Variants in NOX5 observed in about 807,000 individuals in gnomAD.
NOX5 encodes NADPH oxidase, EF-hand calcium binding domain 5.
Under a neutral mutation model 85.7 loss-of-function variants are expected in NOX5, and 76 were observed. The observed-to-expected ratio is 0.89, with a 90% CI of 0.74 to 1.07. The LOEUF is 1.07. NOX5 is among the 50% of genes least tolerant of loss of function. NOX5 has a pLI of 0.00. For synonymous variants in NOX5, 405 were observed against 401.4 expected (o/e 1.01, Z -0.11); for missense variants, 973 against 999.5 (o/e 0.97, Z 0.36).
chr15:69,043,976 G>T (rs1262479202), intron 10 of NOX5, among the ~76,000 whole-genome samples: 1 of 152,182 alleles, frequency 6.6e-6, no homozygotes, highest in Admixed American at 6.5e-5. Context: ...ATGAGGTCAG[G>T]AGATTGAGAC....
At chr15:69,019,905 A>T (rs1027593976) in intron 1 of NOX5, among the ~76,000 whole-genome samples, 9 of 152,208 alleles carry the variant, frequency 5.9e-5, no homozygotes, top group African/African-American at 2.2e-4. Flanking sequence ...TGGCATTCTG[A>T]TACCACTTCC....
At chr15:69,025,629 C>T (rs536444024) in intron 1 of NOX5, among the ~76,000 whole-genome samples, 167 of 152,228 alleles carry the variant, frequency 1.1e-3, no homozygotes, top group African/African-American at 3.9e-3. Context: ...ATACAAAATC[C>T]ACAAAGAATG....
chr15:69,056,732 A>G lies in NOX5; in HGVS notation c.*36A>G. ...CCAAGCTCTGCCCCAAGTCCACACC[A>G]TGGGTCTGCTTCATTGCATTAGTAT... On this transcript the variant is annotated 3_prime_UTR_variant, in exon 16 of 16. Transcript: ENST00000388866. 1 of 1,610,236 alleles carries G rather than the reference A, an allele frequency of 6.2e-7. No individual in the cohort carries two copies.
chr15:69,042,518 C>A, intron 9 of NOX5, 145 bp from the exon 10 acceptor site: 1 of 780,162 alleles, frequency 1.3e-6, no homozygotes, highest in Non-Finnish European at 2.0e-6. Flanking sequence ...GTGGCTATGG[C>A]TGCTAGTCTG....
chr15:69,033,197 G>A lies in NOX5; in HGVS notation c.775G>A (p.Ala259Thr), dbSNP rs769623983. Reference protein sequence around the residue: ...HVLLFGLAASAHRDLGASVMV... With the variant: ...HVLLFGLAASTHRDLGASVMV... The stretch of plus-strand genomic sequence containing the variant: ...GCTGCTCTTCGGGCTGGCGGCCAGC[G>A]CGCACCGGGACCTCGGCGCCAGCGT... The change falls in exon 5 of 16, where the codon GCG (alanine) becomes ACG (threonine). Residue 259 changes from alanine to threonine, a missense_variant. Ala to Thr is a moderately conservative substitution (Grantham distance 58). Coordinates refer to ENST00000388866, the MANE Select transcript of NOX5 (RefSeq NM_024505.4). 3.1e-6 allele frequency: 5 copies of A among 1,595,012 alleles called. No homozygotes were observed. In the Admixed American group the frequency reaches 5.1e-5, roughly 16 times the overall value.
Position 69,062,103 on chromosome 15 carries a change from C to T in NOX5, c.*5407C>T, listed in dbSNP as rs955664640. The T allele has an allele frequency of 3.9e-4, 60 of 152,088 alleles. No homozygotes were observed. The highest frequency in any genetic ancestry group is 1.4e-3 in the African/African-American group (57 of 41,410). 9.4% of individuals were successfully genotyped at this position (152,088 alleles called of 1,614,324 possible). A position where few individuals can be genotyped will look rare whatever the true frequency, so the allele number is the denominator to read the frequency against. Reference sequence around the variant, plus strand: ...TCAGCTGGTGACCCCATGAGGTACCCTTGGCTCCTCTATCTCCCCCATCTT... The same window carrying T: ...TCAGCTGGTGACCCCATGAGGTACCTTTGGCTCCTCTATCTCCCCCATCTT... On this transcript the variant is annotated 3_prime_UTR_variant, in exon 16 of 16. Coordinates refer to ENST00000388866, the MANE Select transcript of NOX5 (RefSeq NM_024505.4).
At chr15:69,040,034 C>T (rs2050574063) in intron 9 of NOX5, among the ~76,000 whole-genome samples, 1 of 152,222 alleles carries the variant, frequency 6.6e-6, no homozygotes, top group Non-Finnish European at 1.5e-5. Flanking sequence ...TTCTCTGACT[C>T]ATCCTGGTTA....
At chr15:69,056,458 C>A in intron 15 of NOX5, 107 bp from the exon 16 acceptor site, 1 of 1,427,514 alleles carries the variant, frequency 7.0e-7, no homozygotes, top group Non-Finnish European at 9.5e-7. Flanking sequence ...TGGGAATGCT[C>A]ATTGCTGCCG....
intron 1 of NOX5, among the ~76,000 whole-genome samples, chr15:69,019,780 G>A (rs1053332380): frequency 2.0e-5 from 3 of 152,226 alleles, no homozygotes; most frequent in African/African-American, 7.2e-5. Flanking sequence ...CCATTATGCA[G>A]TAACACTTTT....
chr15:69,021,226 A>G (rs1030822711), intron 1 of NOX5, among the ~76,000 whole-genome samples: 3 of 152,142 alleles, frequency 2.0e-5, no homozygotes, highest in Admixed American at 6.5e-5. Flanking sequence ...ATCTCTTTCT[A>G]TGATCTAAGA....
At position 69,025,116 on chromosome 15, in the gene NOX5, G is replaced by A. The variant is rs1464856175; in HGVS notation, c.51-1412G>A. 2.6e-5 allele frequency among the ~76,000 whole-genome samples: 4 copies of A among 152,208 alleles called. No individual in the cohort carries two copies. In the East Asian group the frequency reaches 5.8e-4, roughly 22 times the overall value. ...AGGAAATATAGAGTTAGGCTCATGT[G>A]AGCCTCAGGGCACAATATTTTTGTC... is the stretch of plus-strand genomic sequence containing the variant. On this transcript the variant is annotated intron_variant, in intron 1 of 15. Coordinates refer to ENST00000388866, the MANE Select transcript of NOX5 (RefSeq NM_024505.4).
rs1294373869 is a variant in NOX5, at chr15:69,037,043, C to T, written c.1204C>T (p.His402Tyr). 4 of 1,613,616 alleles carry T rather than the reference C, an allele frequency of 2.5e-6. No homozygotes were observed. The highest frequency in any genetic ancestry group is 1.3e-5 in the African/African-American group (1 of 74,866). Residue 402 changes from histidine (H) to tyrosine (Y), a missense_variant, in exon 8 of 16, where the codon CAC (histidine) becomes TAC (tyrosine). Physicochemically the swap from His to Tyr is moderately conservative, Grantham distance 83. Transcript: ENST00000388866. ...ACCCCCATAGGTGTTCTATTGGACT[C>T]ACCTGTCCTACCTCCTCGTGTGGCT... ...SGHFEVFYWTHLSYLLVWLLL... is the reference protein window; with the variant it reads ...SGHFEVFYWTYLSYLLVWLLL...
intron 10 of NOX5, among the ~76,000 whole-genome samples, chr15:69,044,022 A>G (rs1270320245): frequency 6.6e-6 from 1 of 152,132 alleles, no homozygotes; most frequent in Non-Finnish European, 1.5e-5. Flanking sequence ...CGTCTCTACT[A>G]AAAACACAAA....
chr15:69,044,824 A>G (rs1340161500), intron 10 of NOX5, among the ~76,000 whole-genome samples: 1 of 152,212 alleles, frequency 6.6e-6, no homozygotes, highest in Admixed American at 6.5e-5. Context: ...TCGATTTGTG[A>G]TTTAAATAAT....
At chr15:69,048,305 G>A (rs2050701967) in intron 13 of NOX5, among the ~76,000 whole-genome samples, 1 of 152,210 alleles carries the variant, frequency 6.6e-6, no homozygotes, top group East Asian at 1.9e-4. Flanking sequence ...GGCCAAGGCA[G>A]GCAGATCACT....
intron 1 of NOX5, among the ~76,000 whole-genome samples, chr15:69,021,202 T>C (rs2050291426): frequency 6.6e-6 from 1 of 152,238 alleles, no homozygotes; most frequent in Non-Finnish European, 1.5e-5. Flanking sequence ...GTAAAATGAA[T>C]TGGGAATCTT....
At position 69,051,880 on chromosome 15, in the gene NOX5, A is replaced by G. The variant is rs186324579; in HGVS notation, c.1999+2822A>G. ...AAAAAGATTAAATACCTTAACATAC[A>G]TGAAGTCATTAACTGTTTGGTCCCT... On this transcript the variant is annotated intron_variant, in intron 14 of 15. Transcript: ENST00000388866. 1.7e-4 allele frequency among the ~76,000 whole-genome samples: 26 copies of G among 152,006 alleles called. No individual in the cohort carries two copies. In the East Asian group the frequency reaches 4.6e-3, roughly 27 times the overall value.
At position 69,034,280 on chromosome 15, in the gene NOX5, T is replaced by C. The variant is rs1373369598; in HGVS notation, c.855+1003T>C. 2.0e-5 allele frequency among the ~76,000 whole-genome samples: 3 copies of C among 152,306 alleles called. No individual in the cohort carries two copies. In the East Asian group the frequency reaches 5.8e-4, roughly 29 times the overall value. ...ATAGTAGGTGTATATATTTATGGGG[T>C]ACATGGGATGTTTTGATACATGGGA... On this transcript the variant is annotated intron_variant, in intron 5 of 15. Transcript: ENST00000388866.
At chr15:69,037,263 T>C in intron 8 of NOX5, 53 bp downstream of exon 8, 1 of 1,539,164 alleles carries the variant, frequency 6.5e-7, no homozygotes. Context: ...CAAGGGACAG[T>C]TTGTGGGGTG....
Sources: allele counts gnomAD v4.1 joint callset (sites outside exome capture counted in the v4.1 genomes callset), GRCh38; gene constraint gnomAD v4.1.1; transcripts MANE v1.5; gene names NCBI Gene and HGNC (gene_info 2026-07-23, HGNC 2026-07-21).